NALCN: variants seen among roughly 807,000 people sequenced by gnomAD.
The protein encoded by NALCN is sodium leak channel, non-selective.
A neutral mutation model predicts 225.3 loss-of-function variants in NALCN; 111 were observed. The observed-to-expected ratio is 0.49, with a 90% CI of 0.42 to 0.58. The LOEUF (loss-of-function observed/expected upper bound fraction) is 0.58. Among genes scored for constraint, NALCN ranks in the 20% least tolerant of loss-of-function variants. The probability of loss-of-function intolerance (pLI) is 0.00; values close to 1 mark genes in which losing one functional copy is unlikely to be tolerated. For missense variants in NALCN, 1,378 were observed against 2,202.4 expected (o/e 0.63, Z 7.49); for synonymous variants, 764 against 769.0 (o/e 0.99, Z 0.11).
chr13:101,072,786 G>A (rs149425263), intron 37 of NALCN, among the ~76,000 whole-genome samples: 6 of 152,218 alleles, frequency 3.9e-5, no homozygotes, highest in African/African-American at 1.4e-4. Context: ...TTAAATTTAT[G>A]TTAATTAAAA....
intron 18 of NALCN, chr13:101,116,295 T>G (rs999118792): frequency 6.5e-6 from 1 of 153,392 alleles, no homozygotes; most frequent in Non-Finnish European, 1.4e-5. Context: ...GAATTTCAAT[T>G]GCTCCTTATA....
chr13:101,231,422 T>A lies in NALCN; in HGVS notation c.1435-1838A>T, dbSNP rs554651922. Among the ~76,000 whole-genome samples the A allele has an allele frequency of 1.6e-3, 247 of 152,302 alleles. 1 individual carries two copies. Among genetic ancestry groups the A allele is most frequent in the African/African-American group, 5.7e-3 (239 of 41,580 alleles). On this transcript the variant is annotated intron_variant, in intron 12 of 43. Transcript: ENST00000251127. ...GACACAGCTTTTAAGGACATATTTATATGATTAGTATGTATAAATTAGTAC... is the reference window on the plus strand; with the variant it reads ...GACACAGCTTTTAAGGACATATTTAAATGATTAGTATGTATAAATTAGTAC...
intron 34 of NALCN, among the ~76,000 whole-genome samples, chr13:101,078,760 G>T (rs1000024215): frequency 3.2e-4 from 49 of 152,276 alleles, no homozygotes; most frequent in African/African-American, 1.2e-3. Context: ...TGTTGGGAGG[G>T]TATGATTGTA....
At chr13:101,296,702 C>A (rs770900211) in intron 7 of NALCN, among the ~76,000 whole-genome samples, 14 of 152,104 alleles carry the variant, frequency 9.2e-5, no homozygotes, top group Non-Finnish European at 1.5e-4. Flanking sequence ...AACAATAAGG[C>A]CTGTTCCAAA....
Position 101,376,720 on chromosome 13 carries a change from A to C in NALCN, c.624T>G (p.Val208=). Residue 208 remains valine (V), a synonymous_variant, in exon 6 of 44, where the codon GTT becomes GTG. Coordinates refer to ENST00000251127, the MANE Select transcript of NALCN (RefSeq NM_052867.4). ...CTTACCCTGGCTTTGTGTCATTTAC[A>C]ACACAGTGATAAGTAAATGTTCCAA... ...QMFGTFTYHC[V]VNDTKPGNVT... is the part of the protein sequence containing the mutation. 3.1e-6 allele frequency: 5 copies of C among 1,606,244 alleles called. No homozygotes were observed. Among genetic ancestry groups the C allele is most frequent in the Non-Finnish European group, 4.2e-6 (5 of 1,178,192 alleles).
chr13:101,269,607 G>A (rs2042710123), intron 10 of NALCN, among the ~76,000 whole-genome samples: 2 of 152,142 alleles, frequency 1.3e-5, no homozygotes, highest in South Asian at 4.1e-4. Context: ...TACAAAGTGA[G>A]TAAAACAAAT....
chr13:101,395,433 C>A, intron 2 of NALCN, 68 bp from the exon 3 acceptor site: 1 of 1,475,420 alleles, frequency 6.8e-7, no homozygotes, highest in Non-Finnish European at 9.2e-7. Flanking sequence ...TTATGAACCA[C>A]ACTAAGTGGA....
chr13:101,141,620 T>G (rs1449073756), intron 17 of NALCN, among the ~76,000 whole-genome samples: 84 of 118,044 alleles, frequency 7.1e-4, no homozygotes, highest in Admixed American at 9.6e-4. Context: ...GGAGGGGAGG[T>G]GAGAAAGAGG....
intron 17 of NALCN, among the ~76,000 whole-genome samples, chr13:101,132,350 C>G (rs2036558785): frequency 6.6e-6 from 1 of 151,900 alleles, no homozygotes; most frequent in Non-Finnish European, 1.5e-5. Flanking sequence ...ACATTTTGGT[C>G]AAATAATATC....
In NALCN at chr13:101,309,227, T is replaced by C. The variant is rs529083350; in HGVS notation, c.800-16861A>G. 1.3e-4 allele frequency among the ~76,000 whole-genome samples: 19 copies of C among 151,778 alleles called. No homozygotes were observed. The South Asian group carries it at 2.5e-3, about 20-fold the overall frequency. Reference sequence around the variant, plus strand: ...AATACAGGCAAAGTCTTAAGAATAATACACACACACACACAATTCAACATT... The same window carrying C: ...AATACAGGCAAAGTCTTAAGAATAACACACACACACACACAATTCAACATT... On this transcript the variant is annotated intron_variant, in intron 7 of 43. Transcript: ENST00000251127.
intron 17 of NALCN, among the ~76,000 whole-genome samples, chr13:101,136,930 G>T (rs959096388): frequency 2.6e-5 from 4 of 152,182 alleles, no homozygotes; most frequent in African/African-American, 4.8e-5. Flanking sequence ...CAGTGTAAAA[G>T]TGTTCCTATT....
chr13:101,121,421 T>A (rs2035967682), intron 18 of NALCN, among the ~76,000 whole-genome samples: 2 of 152,312 alleles, frequency 1.3e-5, no homozygotes, highest in Middle Eastern at 3.4e-3. Flanking sequence ...GGATTTAAGG[T>A]TTTTGTGATT....
At chr13:101,061,851 G>C (rs1594118412) in intron 41 of NALCN, 117 bp downstream of exon 41, 1 of 940,132 alleles carries the variant, frequency 1.1e-6, no homozygotes, top group Admixed American at 2.7e-5. Context: ...TAAAGGGATA[G>C]AAGGCTGATC....
chr13:101,346,544 A>C (rs114396626), intron 6 of NALCN, among the ~76,000 whole-genome samples: 1 of 152,164 alleles, frequency 6.6e-6, no homozygotes, highest in African/African-American at 2.4e-5. Context: ...ATAAGGAGAA[A>C]TGGAAGGAAC....
chr13:101,222,761 C>T (rs2040991513), intron 13 of NALCN, among the ~76,000 whole-genome samples: 1 of 152,168 alleles, frequency 6.6e-6, no homozygotes, highest in Admixed American at 6.5e-5. Context: ...ATCATCCATT[C>T]CAATGCCTAA....
chr13:101,136,363 G>A (rs148760223), intron 17 of NALCN, among the ~76,000 whole-genome samples: 3,427 of 152,098 alleles, frequency 0.023, 45 homozygotes, highest in Non-Finnish European at 0.036. Flanking sequence ...GTGCAGGTTT[G>A]TTACATAGGT....
In NALCN at chr13:101,250,190, G is replaced by T. The variant is rs2140189030; in HGVS notation, c.1266+8253C>A. Among the ~76,000 whole-genome samples the T allele has an allele frequency of 2.0e-5, 3 of 152,134 alleles. No homozygotes were observed. The Middle Eastern group carries it at 0.01, about 517-fold the overall frequency. On this transcript the variant is annotated intron_variant, in intron 11 of 43. Transcript: ENST00000251127. ...CCTTTGGAGAAAATTATAAAGCATT[G>T]TTGGAAAACACTAAGGAAGGTTAGA...
intron 13 of NALCN, among the ~76,000 whole-genome samples, chr13:101,196,048 T>C (rs1462429421): frequency 9.9e-5 from 15 of 152,212 alleles, no homozygotes; most frequent in Admixed American, 9.8e-4. Flanking sequence ...AAAATTATAC[T>C]TCCCCCTCCA....
chr13:101,314,764 C>G (rs999258690), intron 7 of NALCN, among the ~76,000 whole-genome samples: 3 of 152,162 alleles, frequency 2.0e-5, no homozygotes, highest in African/African-American at 7.2e-5. Context: ...TTGATTCAGC[C>G]TTTAAGTTTC....
Sources: gnomAD v4.1 joint callset for allele counts (sites outside exome capture counted in the v4.1 genomes callset) on GRCh38, gnomAD v4.1.1 for gene constraint, MANE v1.5 for transcripts, NCBI Gene and HGNC (gene_info 2026-07-23, HGNC 2026-07-21) for gene names.